Variants in GFRA1 observed in about 807,000 individuals in gnomAD.
GFRA1 encodes GDNF family receptor alpha-1.
Under a neutral mutation model 51.6 loss-of-function variants are expected in GFRA1, and 16 were observed. That is an observed-to-expected ratio of 0.31 (90% confidence interval 0.21 to 0.47). The LOEUF is 0.47. Among genes scored for constraint, GFRA1 ranks in the 20% least tolerant of loss-of-function variants. The pLI, the probability that GFRA1 is intolerant of heterozygous loss-of-function variation, is 1.00. For synonymous variants in GFRA1, 270 were observed against 241.3 expected (o/e 1.12, Z -1.10); for missense variants, 530 against 594.3 (o/e 0.89, Z 1.13).
At chr10:116,210,724 A>C (rs1489459194) in intron 5 of GFRA1, among the ~76,000 whole-genome samples, 1 of 152,204 alleles carries the variant, frequency 6.6e-6, no homozygotes, top group Non-Finnish European at 1.5e-5. Flanking sequence ...CAAGCCTGTA[A>C]GATTATTTGG....
At chr10:116,237,544 G>C (rs997341951) in intron 4 of GFRA1, among the ~76,000 whole-genome samples, 1 of 124,516 alleles carries the variant, frequency 8.0e-6, no homozygotes, top group Non-Finnish European at 1.6e-5. Flanking sequence ...GTACATACTC[G>C]AATAGATTAA....
chr10:116,087,997 C>G (rs771096970), intron 9 of GFRA1, among the ~76,000 whole-genome samples: 9 of 152,074 alleles, frequency 5.9e-5, no homozygotes, highest in Non-Finnish European at 8.8e-5. Flanking sequence ...AAGTATGAAG[C>G]ACATCTGTTT....
intron 4 of GFRA1, among the ~76,000 whole-genome samples, chr10:116,222,828 T>C (rs1170369887): frequency 6.6e-6 from 1 of 152,144 alleles, no homozygotes; most frequent in Non-Finnish European, 1.5e-5. Context: ...ATCCACAGAT[T>C]CAACCAACCA....
chr10:116,224,258 ATAGC>A (rs1391798745), intron 4 of GFRA1, among the ~76,000 whole-genome samples: 1 of 152,220 alleles, frequency 6.6e-6, no homozygotes, highest in African/African-American at 2.4e-5. Context: ...GTCAAATGGT[ATAGC>A]CACTTTGGAA....
intron 5 of GFRA1, among the ~76,000 whole-genome samples, chr10:116,182,572 C>A (rs1267644966): frequency 2.0e-5 from 3 of 152,190 alleles, no homozygotes; most frequent in African/African-American, 7.2e-5. Context: ...CTGGTTCCAA[C>A]CAGATCAAGC....
chr10:116,089,633 C>A, intron 9 of GFRA1, 108 bp downstream of exon 9: 1 of 929,780 alleles, frequency 1.1e-6, no homozygotes, highest in Non-Finnish European at 1.8e-6. Context: ...CAAACCCGAG[C>A]AGCATTCGTC....
intron 5 of GFRA1, among the ~76,000 whole-genome samples, chr10:116,201,707 A>G (rs1262410622): frequency 1.3e-5 from 2 of 152,112 alleles, no homozygotes. Flanking sequence ...TGGTGCTTAG[A>G]AAACAGAGGC....
intron 6 of GFRA1, among the ~76,000 whole-genome samples, chr10:116,112,674 G>A (rs1018620693): frequency 3.3e-5 from 5 of 152,204 alleles, no homozygotes; most frequent in Non-Finnish European, 7.3e-5. Flanking sequence ...ATCTACAAAG[G>A]AGCTGTCAGG....
Position 116,176,809 on chromosome 10 carries a change from A to G in GFRA1, c.433+34822T>C, listed in dbSNP as rs900601058. Among the ~76,000 whole-genome samples the G allele has an allele frequency of 3.4e-5, 5 of 149,236 alleles. No homozygotes were observed. In the South Asian group the frequency reaches 1.0e-3, roughly 31 times the overall value. On this transcript the variant is annotated intron_variant, in intron 5 of 10. Transcript: ENST00000355422. ...CCAAGGCTTTGGAGTTAAAAAGATA[A>G]GACTCTGTGACAGTCCTCAGGAAGT...
chr10:116,196,216 A>C (rs918887201), intron 5 of GFRA1, among the ~76,000 whole-genome samples: 1 of 150,392 alleles, frequency 6.6e-6, no homozygotes, highest in African/African-American at 2.4e-5. Context: ...ACAGCTGGGC[A>C]TGGTGGCTTA....
At chr10:116,198,480 T>C (rs1290387810) in intron 5 of GFRA1, among the ~76,000 whole-genome samples, 1 of 152,234 alleles carries the variant, frequency 6.6e-6, no homozygotes, top group Non-Finnish European at 1.5e-5. Context: ...AAGCCTCCTC[T>C]ATTTACACTG....
chr10:116,153,129 G>A (rs913384954), intron 5 of GFRA1, among the ~76,000 whole-genome samples: 1 of 152,188 alleles, frequency 6.6e-6, no homozygotes, highest in Non-Finnish European at 1.5e-5. Flanking sequence ...AATAGGCTGA[G>A]GTAGTTAAGG....
rs1438884976 is a variant in GFRA1, at chr10:116,064,085, C to CATCATGATG, written c.*312_*313insCATCATGAT. The CATCATGATG allele has an allele frequency of 2.5e-3, 486 of 195,998 alleles. 7 individuals carry two copies. Among genetic ancestry groups the CATCATGATG allele is most frequent in the African/African-American group, 0.02 (461 of 23,230 alleles). The allele number at this position is 195,998 out of a possible 1,614,324, so 12.1% of individuals were successfully genotyped here. ...TCATCATCATGATCATGATGATCAT[C>CATCATGATG]ATCATGATCATCATCATCATCGAAA... On this transcript the variant is annotated 3_prime_UTR_variant, in exon 11 of 11. Transcript: ENST00000355422.
chr10:116,248,767 A>C (rs1020252330), intron 4 of GFRA1, among the ~76,000 whole-genome samples: 2 of 152,192 alleles, frequency 1.3e-5, no homozygotes. Context: ...TTTGAAAAGC[A>C]GCGAATTAAA....
Position 116,232,413 on chromosome 10 carries a change from C to T in GFRA1, c.419-20768G>A, listed in dbSNP as rs540400602. Reference sequence around the variant, plus strand: ...GAATGAATCCATTTATTGTAAATATCGAGGCATTGTGTTTACATTTTTATA... The same window carrying T: ...GAATGAATCCATTTATTGTAAATATTGAGGCATTGTGTTTACATTTTTATA... On this transcript the variant is annotated intron_variant, in intron 4 of 10. Transcript: ENST00000355422. Among the ~76,000 whole-genome samples, 5 of 151,840 alleles carry T rather than the reference C, an allele frequency of 3.3e-5. No individual in the cohort carries two copies. In the South Asian group the frequency reaches 8.3e-4, roughly 25 times the overall value.
chr10:116,110,292 G>A (rs191251797), intron 6 of GFRA1, among the ~76,000 whole-genome samples: 5 of 152,182 alleles, frequency 3.3e-5, no homozygotes, highest in African/African-American at 4.8e-5. Context: ...ACTGGGCTAT[G>A]GGCTTTAATC....
chr10:116,106,960 G>A (rs1473926353), intron 6 of GFRA1, among the ~76,000 whole-genome samples: 1 of 152,258 alleles, frequency 6.6e-6, no homozygotes, highest in Non-Finnish European at 1.5e-5. Context: ...TGAGACACCG[G>A]CAATCGCTTT....
chr10:116,252,304 C>T (rs1968446991), intron 4 of GFRA1, among the ~76,000 whole-genome samples: 3 of 152,070 alleles, frequency 2.0e-5, no homozygotes, highest in Admixed American at 6.6e-5. Flanking sequence ...CTATCTACCT[C>T]GACTGCACTT....
At chr10:116,168,504 G>C (rs1261845997) in intron 5 of GFRA1, among the ~76,000 whole-genome samples, 1 of 152,138 alleles carries the variant, frequency 6.6e-6, no homozygotes, top group African/African-American at 2.4e-5. Context: ...TTCTGCAACT[G>C]TCTACCTACT....
Sources: allele counts gnomAD v4.1 joint callset (sites outside exome capture counted in the v4.1 genomes callset), GRCh38; gene constraint gnomAD v4.1.1; transcripts MANE v1.5; gene names NCBI Gene and HGNC (gene_info 2026-07-23, HGNC 2026-07-21).